Variants in ARHGAP26 observed in about 807,000 individuals in gnomAD.
ARHGAP26 encodes the protein rho GTPase-activating protein 26.
ARHGAP26 carries 38 observed loss-of-function variants against 104.8 expected under a neutral mutation model. The observed-to-expected ratio is 0.36, with a 90% confidence interval of 0.28 to 0.48. The LOEUF (loss-of-function observed/expected upper bound fraction) is 0.48, where lower values mean the gene tolerates loss of function less well. Ranked by LOEUF, ARHGAP26 falls within the 20% of genes least tolerant of loss-of-function variation. The pLI is 0.99. For missense variants in ARHGAP26, 704 were observed against 947.9 expected (o/e 0.74, Z 3.38); for synonymous variants, 341 against 340.0 (o/e 1.00, Z -0.03).
At chr5:143,165,691 G>A (rs895974776) in intron 20 of ARHGAP26, among the ~76,000 whole-genome samples, 1 of 152,160 alleles carries the variant, frequency 6.6e-6, no homozygotes, top group African/African-American at 2.4e-5. Context: ...TACCCAATGG[G>A]TAATTCTTTA....
At chr5:142,983,815 A>C (rs1363097007) in intron 11 of ARHGAP26, among the ~76,000 whole-genome samples, 2 of 152,228 alleles carry the variant, frequency 1.3e-5, no homozygotes, top group Non-Finnish European at 2.9e-5. Flanking sequence ...CTAGACACAC[A>C]TCTATTCATA....
chr5:143,207,547 G>A (rs1186991424), intron 21 of ARHGAP26: 7 of 1,548,858 alleles, frequency 4.5e-6, no homozygotes, highest in Admixed American at 1.7e-5. Flanking sequence ...GGCTGCCCCT[G>A]CTCTCCTGTG....
chr5:142,891,852 A>G (rs1264152801), intron 5 of ARHGAP26, among the ~76,000 whole-genome samples: 1 of 151,946 alleles, frequency 6.6e-6, no homozygotes, highest in Admixed American at 6.5e-5. Flanking sequence ...TGTCATTGAA[A>G]TATGCTTTCA....
chr5:143,113,521 T>G (rs1279556661), intron 17 of ARHGAP26, among the ~76,000 whole-genome samples: 2 of 152,182 alleles, frequency 1.3e-5, no homozygotes, highest in South Asian at 4.1e-4. Context: ...TTTTTAAAAT[T>G]TCTCCTCCTC....
At chr5:142,778,472 A>T (rs1007582318) in intron 1 of ARHGAP26, among the ~76,000 whole-genome samples, 9 of 152,038 alleles carry the variant, frequency 5.9e-5, no homozygotes, top group African/African-American at 2.2e-4. Flanking sequence ...GGATTATACT[A>T]TAAGGATTAT....
intron 11 of ARHGAP26, among the ~76,000 whole-genome samples, chr5:142,932,667 C>A (rs1331880870): frequency 6.6e-6 from 1 of 152,066 alleles, no homozygotes; most frequent in Non-Finnish European, 1.5e-5. Context: ...AGAGTACAGT[C>A]TAACTATGTG....
intron 1 of ARHGAP26, among the ~76,000 whole-genome samples, chr5:142,826,680 G>A (rs1197058257): frequency 6.6e-6 from 1 of 152,156 alleles, no homozygotes; most frequent in African/African-American, 2.4e-5. Flanking sequence ...CCCATGAGGT[G>A]GGGTGATTCC....
In ARHGAP26 at chr5:143,120,980, C is replaced by T. The variant is rs368707766; in HGVS notation, c.1539-8C>T. On this transcript the variant is annotated splice_polypyrimidine_tract_variant and splice_region_variant and intron_variant, in intron 17 of 22. Coordinates refer to ENST00000645722, the MANE Select transcript of ARHGAP26 (RefSeq NM_001135608.3). ...CTCATTGGTACCTTTTCTTTTCCTT[C>T]CTCCCAGTGTTGCTAACAACCACAA... 4 of 1,609,434 alleles carry T rather than the reference C, an allele frequency of 2.5e-6. No homozygotes were observed. Among genetic ancestry groups the T allele is most frequent in the African/African-American group, 1.3e-5 (1 of 74,682 alleles).
intron 6 of ARHGAP26, among the ~76,000 whole-genome samples, chr5:142,898,927 A>C (rs1380723902): frequency 6.6e-6 from 1 of 152,234 alleles, no homozygotes. Context: ...GTTGTCTCAC[A>C]GTTCTAAAGC....
intron 20 of ARHGAP26, among the ~76,000 whole-genome samples, chr5:143,180,447 C>T (rs552252092): frequency 6.6e-6 from 1 of 152,280 alleles, no homozygotes; most frequent in South Asian, 2.1e-4. Flanking sequence ...TTGATCTTGT[C>T]CCTTTCTGTA....
chr5:142,901,964 T>A lies in ARHGAP26; in HGVS notation c.627T>A (p.Thr209=). Residue 209 remains threonine, a synonymous_variant, in exon 7 of 23, where the codon ACT becomes ACA. Coordinates refer to ENST00000645722, the MANE Select transcript of ARHGAP26 (RefSeq NM_001135608.3). Reference sequence around the variant, plus strand: ...TGGCCTTCCTGCAAGGACTCTTCACTTTCTATCACCATGGTTACGAACTGG... The same window carrying A: ...TGGCCTTCCTGCAAGGACTCTTCACATTCTATCACCATGGTTACGAACTGG... The part of the protein sequence containing the change: ...PLLAFLQGLF[T]FYHHGYELAK... 6.2e-7 allele frequency: 1 copy of A among 1,614,038 alleles called. No homozygotes were observed. Among genetic ancestry groups the A allele is most frequent in the Non-Finnish European group, 8.5e-7 (1 of 1,179,906 alleles).
intron 11 of ARHGAP26, among the ~76,000 whole-genome samples, chr5:143,007,319 A>G (rs1233584207): frequency 6.6e-6 from 1 of 151,762 alleles, no homozygotes; most frequent in African/African-American, 2.4e-5. Context: ...TTCTCTCTGT[A>G]TGTGCTGATA....
In ARHGAP26 at chr5:143,207,455, C is replaced by T. The variant is rs199750999; in HGVS notation, c.2099+147C>T. 4.0e-5 allele frequency: 64 copies of T among 1,614,134 alleles called. No homozygotes were observed. The highest frequency in any genetic ancestry group is 5.2e-5 in the Non-Finnish European group (61 of 1,180,018). On this transcript the variant is annotated intron_variant, in intron 21 of 22. Transcript: ENST00000645722. ...TTGCTTTTTGACAGGCCAGAAGAAGCGGTACATGAAGACTCCAGGTAAAAT... is the reference window on the plus strand; with the variant it reads ...TTGCTTTTTGACAGGCCAGAAGAAGTGGTACATGAAGACTCCAGGTAAAAT...
At chr5:143,207,369 C>T in intron 21 of ARHGAP26, 61 bp downstream of exon 21, 1 of 1,614,192 alleles carries the variant, frequency 6.2e-7, no homozygotes, top group African/African-American at 1.3e-5. Flanking sequence ...TGGCTCGGTC[C>T]TCTCTTCATG....
At chr5:143,003,920 T>C (rs987975468) in intron 11 of ARHGAP26, among the ~76,000 whole-genome samples, 2 of 151,402 alleles carry the variant, frequency 1.3e-5, no homozygotes, top group African/African-American at 4.9e-5. Context: ...AGGAGTTTAA[T>C]TGAGCTATGA....
At chr5:142,952,328 C>T (rs1010177309) in intron 11 of ARHGAP26, among the ~76,000 whole-genome samples, 7 of 152,164 alleles carry the variant, frequency 4.6e-5, no homozygotes, top group African/African-American at 1.4e-4. Context: ...TTCGGCAGTG[C>T]AGTGAAAGAT....
chr5:142,891,061 G>A (rs1384666859), intron 5 of ARHGAP26, among the ~76,000 whole-genome samples: 1 of 151,964 alleles, frequency 6.6e-6, no homozygotes, highest in Non-Finnish European at 1.5e-5. Flanking sequence ...GCTTTGAGGT[G>A]TGTGGGGTGG....
intron 19 of ARHGAP26, among the ~76,000 whole-genome samples, chr5:143,143,293 G>A (rs1798782019): frequency 6.6e-6 from 1 of 152,144 alleles, no homozygotes; most frequent in African/African-American, 2.4e-5. Context: ...CCTCGCCTCT[G>A]GGTTCTGTGA....
At chr5:142,911,933 C>T (rs1761884611) in intron 9 of ARHGAP26, among the ~76,000 whole-genome samples, 1 of 152,232 alleles carries the variant, frequency 6.6e-6, no homozygotes, top group Non-Finnish European at 1.5e-5. Context: ...TATAAACTGT[C>T]TCCTCCTAGG....
Sources: allele counts gnomAD v4.1 joint callset (sites outside exome capture counted in the v4.1 genomes callset), GRCh38; gene constraint gnomAD v4.1.1; transcripts MANE v1.5; gene names NCBI Gene and HGNC (gene_info 2026-07-23, HGNC 2026-07-21).